The following CADM2 variants were observed in gnomAD, a reference collection of about 807,000 sequenced individuals.
CADM2 encodes immunoglobulin superfamily member 4D.
CADM2 carries 12 observed loss-of-function variants against 49.8 expected under a neutral mutation model. The ratio of observed to expected loss-of-function variants is 0.24; its 90% CI spans 0.15 to 0.39. The LOEUF is 0.39. CADM2 is among the 10% of genes least tolerant of loss of function. The pLI is 1.00. For missense variants in CADM2, 378 were observed against 492.3 expected (o/e 0.77, Z 2.20); for synonymous variants, 214 against 175.4 (o/e 1.22, Z -1.74).
At chr3:85,866,868 A>T (rs1013432802) in intron 3 of CADM2, among the ~76,000 whole-genome samples, 1 of 152,076 alleles carries the variant, frequency 6.6e-6, no homozygotes, top group Non-Finnish European at 1.5e-5. Flanking sequence ...ACACATACAC[A>T]CATGCACAAA....
intron 1 of CADM2, among the ~76,000 whole-genome samples, chr3:85,098,973 A>G (rs1031392026): frequency 2.0e-5 from 3 of 152,128 alleles, no homozygotes; most frequent in African/African-American, 7.2e-5. Flanking sequence ...TTCATTTTAT[A>G]CCCATAACCC....
intron 1 of CADM2, among the ~76,000 whole-genome samples, chr3:85,264,084 C>A (rs1036531277): frequency 6.6e-6 from 1 of 152,018 alleles, no homozygotes; most frequent in African/African-American, 2.4e-5. Context: ...ATGAAAATAT[C>A]CACCTATGGG....
chr3:85,169,012 G>T (rs1053292268), intron 1 of CADM2, among the ~76,000 whole-genome samples: 5 of 152,024 alleles, frequency 3.3e-5, no homozygotes, highest in African/African-American at 4.8e-5. Context: ...CAGTGCAATG[G>T]TGTGATCTCT....
chr3:85,611,743 G>A (rs1397671837), intron 1 of CADM2, among the ~76,000 whole-genome samples: 1 of 149,692 alleles, frequency 6.7e-6, no homozygotes, highest in African/African-American at 2.5e-5. Flanking sequence ...GAAGAGATTT[G>A]GTAAGCCGTT....
chr3:85,056,686 T>C (rs1189448277), intron 1 of CADM2, among the ~76,000 whole-genome samples: 2 of 152,142 alleles, frequency 1.3e-5, no homozygotes, highest in Non-Finnish European at 2.9e-5. Context: ...AAATGATATA[T>C]GCAATATATC....
chr3:86,000,090 C>T (rs761561405), intron 8 of CADM2, among the ~76,000 whole-genome samples: 2 of 152,156 alleles, frequency 1.3e-5, no homozygotes, highest in African/African-American at 2.4e-5. Context: ...GAACACATGG[C>T]ATCATTCTGT....
At chr3:85,150,029 G>A (rs373656409) in intron 1 of CADM2, among the ~76,000 whole-genome samples, 12 of 152,336 alleles carry the variant, frequency 7.9e-5, no homozygotes, top group African/African-American at 2.9e-4. Flanking sequence ...ATATCCGAGT[G>A]AAGGTTAAGG....
chr3:85,550,929 A>G (rs2061786494), intron 1 of CADM2, among the ~76,000 whole-genome samples: 2 of 151,696 alleles, frequency 1.3e-5, no homozygotes, highest in African/African-American at 4.8e-5. Context: ...TTACTTCTTT[A>G]CTGAACTCCA....
chr3:85,799,497 T>C (rs1031797519), intron 2 of CADM2, among the ~76,000 whole-genome samples: 1 of 152,216 alleles, frequency 6.6e-6, no homozygotes, highest in Non-Finnish European at 1.5e-5. Context: ...TTGAATTTCG[T>C]CAAAGGCCTT....
At chr3:86,042,389 A>C (rs1414204600) in intron 8 of CADM2, among the ~76,000 whole-genome samples, 3 of 152,220 alleles carry the variant, frequency 2.0e-5, no homozygotes, top group Non-Finnish European at 2.9e-5. Context: ...AAAAATGATA[A>C]AGGGGATATC....
At chr3:84,971,659 A>G (rs2031450409) in intron 1 of CADM2, among the ~76,000 whole-genome samples, 2 of 152,158 alleles carry the variant, frequency 1.3e-5, no homozygotes. Flanking sequence ...ATAGACTATC[A>G]ACAAAGCAGA....
At chr3:85,544,714 A>G (rs987014889) in intron 1 of CADM2, among the ~76,000 whole-genome samples, 3 of 152,226 alleles carry the variant, frequency 2.0e-5, no homozygotes, top group African/African-American at 7.2e-5. Context: ...TAACTTTATT[A>G]CTGGAGTGGA....
At chr3:85,114,006 A>T (rs1437266705) in intron 1 of CADM2, among the ~76,000 whole-genome samples, 1 of 152,130 alleles carries the variant, frequency 6.6e-6, no homozygotes, top group Non-Finnish European at 1.5e-5. Flanking sequence ...ATATTGATAG[A>T]TAATACTTAG....
chr3:85,248,345 A>G (rs1283540040), intron 1 of CADM2, among the ~76,000 whole-genome samples: 3 of 151,772 alleles, frequency 2.0e-5, no homozygotes, highest in African/African-American at 7.3e-5. Context: ...CCTGATCTTC[A>G]CTCACTGCAA....
chr3:85,415,629 C>T (rs947729336), intron 1 of CADM2, among the ~76,000 whole-genome samples: 3 of 152,096 alleles, frequency 2.0e-5, no homozygotes, highest in Admixed American at 2.0e-4. Flanking sequence ...TGTAAATGCA[C>T]TTTACAAGAT....
chr3:85,103,110 T>C (rs551615146), intron 1 of CADM2, among the ~76,000 whole-genome samples: 2 of 152,266 alleles, frequency 1.3e-5, no homozygotes, highest in Non-Finnish European at 2.9e-5. Flanking sequence ...TGAATAAGCC[T>C]GTGTGAGTTC....
intron 2 of CADM2, among the ~76,000 whole-genome samples, chr3:85,776,336 T>TACACACACACAC (rs141105558): frequency 2.4e-4 from 35 of 146,156 alleles, no homozygotes; most frequent in African/African-American, 7.3e-4. Context: ...CAAACTCTCT[T>TACACACACACAC]ACACACACAC....
intron 1 of CADM2, among the ~76,000 whole-genome samples, chr3:85,707,385 C>G (rs183342340): frequency 3.3e-3 from 434 of 132,334 alleles, no homozygotes; most frequent in East Asian, 8.4e-3. Context: ...AAGACTATAT[C>G]ATTGTATCTT....
chr3:85,890,066 A>C (rs764364885), intron 5 of CADM2, among the ~76,000 whole-genome samples: 6 of 152,142 alleles, frequency 3.9e-5, no homozygotes, highest in Non-Finnish European at 7.3e-5. Flanking sequence ...TATTTTGCCA[A>C]GATTGAGGAC....
Sources: gnomAD v4.1 joint callset for allele counts (sites outside exome capture counted in the v4.1 genomes callset) on GRCh38, gnomAD v4.1.1 for gene constraint, MANE v1.5 for transcripts, NCBI Gene and HGNC (gene_info 2026-07-23, HGNC 2026-07-21) for gene names.